Variants in MRAP2 observed in about 807,000 individuals in gnomAD.
MRAP2 encodes the protein melanocortin-2 receptor accessory protein 2.
In MRAP2, 20 loss-of-function variants were observed where a neutral mutation model predicts 17.4. That is an observed-to-expected ratio of 1.15 (90% confidence interval 0.81 to 1.67). MRAP2 has a LOEUF of 1.67. Among genes scored for constraint, MRAP2 ranks in the 40% most tolerant of loss-of-function variants. The probability of loss-of-function intolerance (pLI) is 0.00; values close to 1 mark genes in which losing one functional copy is unlikely to be tolerated. For missense variants in MRAP2, 238 were observed against 240.0 expected (o/e 0.99, Z 0.05); for synonymous variants, 96 against 88.4 (o/e 1.09, Z -0.48).
the MRAP2 span, among the ~76,000 whole-genome samples, chr6:84,132,170 C>T: frequency 6.6e-6 from 1 of 152,304 alleles, no homozygotes; most frequent in African/African-American, 2.4e-5. Context: ...AATGTTGGCC[C>T]CCACTCTCTT....
chr6:84,100,559 G>A, the MRAP2 span, among the ~76,000 whole-genome samples: 3 of 152,154 alleles, frequency 2.0e-5, no homozygotes, highest in East Asian at 5.8e-4. Context: ...GAGCCAACAT[G>A]CCTGGCCAGA....
chr6:84,075,639 TG>T (rs1212000847), intron 3 of MRAP2, among the ~76,000 whole-genome samples: 2 of 152,242 alleles, frequency 1.3e-5, no homozygotes, highest in Non-Finnish European at 2.9e-5. Context: ...CACATTTTTA[TG>T]TAGAATACTT....
At chr6:84,119,919 AC>A in the MRAP2 span, among the ~76,000 whole-genome samples, 1 of 152,226 alleles carries the variant, frequency 6.6e-6, no homozygotes, top group Non-Finnish European at 1.5e-5. Flanking sequence ...TCCTGGTGCC[AC>A]AAATCTCTAT....
At chr6:84,133,311 G>C in the MRAP2 span, among the ~76,000 whole-genome samples, 1 of 152,180 alleles carries the variant, frequency 6.6e-6, no homozygotes, top group Non-Finnish European at 1.5e-5. Context: ...AAGTGTCAGG[G>C]ACCCACTTGA....
In MRAP2 at chr6:84,089,503, C is replaced by A. The variant is rs138943457; in HGVS notation, c.*22C>A. 1,037 of 1,591,926 alleles carry A rather than the reference C, an allele frequency of 6.5e-4. 1 individual carries two copies. Among genetic ancestry groups the A allele is most frequent in the Middle Eastern group, 5.2e-3 (31 of 5,962 alleles). On this transcript the variant is annotated 3_prime_UTR_variant, in exon 4 of 4. Transcript: ENST00000257776. ...TTGAGAAACATGCTCTGTAAAGGGT[C>A]TTCCTGAAGATGTGGATTCTATCTT...
At chr6:84,070,202 C>A (rs1398883992) in intron 3 of MRAP2, among the ~76,000 whole-genome samples, 1 of 151,996 alleles carries the variant, frequency 6.6e-6, no homozygotes. Flanking sequence ...AGTTTGTGCT[C>A]TTTCAGTCTT....
At chr6:84,140,494 C>A in the MRAP2 span, among the ~76,000 whole-genome samples, 2 of 152,104 alleles carry the variant, frequency 1.3e-5, no homozygotes, top group African/African-American at 4.8e-5. Context: ...AAGCCTCCGG[C>A]AACCATGGTT....
At chr6:84,045,007 G>A (rs185456875) in intron 1 of MRAP2, among the ~76,000 whole-genome samples, 1 of 152,308 alleles carries the variant, frequency 6.6e-6, no homozygotes, top group Admixed American at 6.5e-5. Flanking sequence ...ATACAGGATA[G>A]CAACTATTTA....
At chr6:84,038,044 G>T (rs1447743263) in intron 1 of MRAP2, among the ~76,000 whole-genome samples, 1 of 152,202 alleles carries the variant, frequency 6.6e-6, no homozygotes, top group Non-Finnish European at 1.5e-5. Context: ...CTTGCATTTG[G>T]GGCTCACACA....
the MRAP2 span, among the ~76,000 whole-genome samples, chr6:84,128,135 C>CT: frequency 6.6e-6 from 1 of 152,180 alleles, no homozygotes; most frequent in African/African-American, 2.4e-5. Context: ...AGGTGTTTAA[C>CT]AATTATTCAT....
chr6:84,126,303 A>T, the MRAP2 span: 1 of 1,098,758 alleles, frequency 9.1e-7, no homozygotes, highest in Non-Finnish European at 1.2e-6. Flanking sequence ...TTTGCTAGGG[A>T]TGACAAAACT....
intron 1 of MRAP2, among the ~76,000 whole-genome samples, chr6:84,053,619 C>T (rs949066221): frequency 2.6e-5 from 4 of 152,122 alleles, no homozygotes; most frequent in African/African-American, 7.2e-5. Context: ...AAGAACAAAG[C>T]GAGGCTTTTC....
At chr6:84,099,040 T>G in the MRAP2 span, among the ~76,000 whole-genome samples, 1 of 151,988 alleles carries the variant, frequency 6.6e-6, no homozygotes, top group Admixed American at 6.5e-5. Flanking sequence ...GTCATAAAGG[T>G]ATAATCCTAT....
At chr6:84,134,638 G>A in the MRAP2 span, among the ~76,000 whole-genome samples, 1 of 152,062 alleles carries the variant, frequency 6.6e-6, no homozygotes, top group Non-Finnish European at 1.5e-5. Flanking sequence ...ATGAGGCAAG[G>A]CCCCACCCTG....
intron 3 of MRAP2, among the ~76,000 whole-genome samples, chr6:84,063,945 T>G (rs6906099): frequency 6.6e-6 from 1 of 151,550 alleles, no homozygotes; most frequent in Admixed American, 6.6e-5. Flanking sequence ...CCTGGGATGC[T>G]GAAGCACAAG....
the MRAP2 span, among the ~76,000 whole-genome samples, chr6:84,114,368 T>C: frequency 1.3e-5 from 2 of 152,136 alleles, no homozygotes; most frequent in Non-Finnish European, 2.9e-5. Flanking sequence ...CTTGATCGAT[T>C]TGACTATTGA....
At chr6:84,134,919 TACAC>T in the MRAP2 span, among the ~76,000 whole-genome samples, 87,617 of 148,116 alleles carry the variant, frequency 0.59, 26,672 homozygotes, top group East Asian at 0.82. Context: ...AGATCATATA[TACAC>T]ACACACACAC....
At chr6:84,063,942 T>G (rs113246858) in intron 3 of MRAP2, among the ~76,000 whole-genome samples, 28,635 of 151,414 alleles carry the variant, frequency 0.19, 2,728 homozygotes, top group Middle Eastern at 0.32. Flanking sequence ...CTACCTGGGA[T>G]GCTGAAGCAC....
chr6:84,066,675 T>C (rs1003850208), intron 3 of MRAP2, among the ~76,000 whole-genome samples: 1 of 152,170 alleles, frequency 6.6e-6, no homozygotes, highest in African/African-American at 2.4e-5. Context: ...TGAAGTAAAT[T>C]CCATGTGTTC....
Sources: allele counts gnomAD v4.1 joint callset (sites outside exome capture counted in the v4.1 genomes callset), GRCh38; gene constraint gnomAD v4.1.1; transcripts MANE v1.5; gene names NCBI Gene and HGNC (gene_info 2026-07-23, HGNC 2026-07-21).